Variants in MFNG observed in about 807,000 individuals in gnomAD.
MFNG encodes the protein beta-1,3-N-acetylglucosaminyltransferase manic fringe.
A neutral mutation model predicts 34.2 loss-of-function variants in MFNG; 24 were observed. The ratio of observed to expected loss-of-function variants is 0.70; its 90% CI spans 0.51 to 0.99. The LOEUF is 0.99. MFNG is among the 50% of genes least tolerant of loss of function. The pLI, the probability that MFNG is intolerant of heterozygous loss-of-function variation, is 0.00. For synonymous variants in MFNG, 158 were observed against 179.2 expected (o/e 0.88, Z 0.94); for missense variants, 383 against 424.0 (o/e 0.90, Z 0.85).
intron 3 of MFNG, 40 bp from the exon 4 acceptor site, chr22:37,479,538 G>C: frequency 1.2e-6 from 2 of 1,603,892 alleles, no homozygotes; most frequent in Non-Finnish European, 1.7e-6. Context: ...TGTTGGGGGG[G>C]TTCCAAGCCA....
intron 6 of MFNG, among the ~76,000 whole-genome samples, chr22:37,472,966 G>A (rs1308953681): frequency 6.6e-6 from 1 of 152,174 alleles, no homozygotes; most frequent in Non-Finnish European, 1.5e-5. Context: ...AGGCTGTAGA[G>A]CACAGTGGTT....
chr22:37,472,639 G>A lies in MFNG; in HGVS notation c.814-111C>T, dbSNP rs532577798. Reference sequence around the variant, plus strand: ...TTTTAAGCTGCAGGGAAAGCTGCCCGGGAACCTGAAATTCCCCGCTGGTGG... The same window carrying A: ...TTTTAAGCTGCAGGGAAAGCTGCCCAGGAACCTGAAATTCCCCGCTGGTGG... On this transcript the variant is annotated intron_variant, in intron 6 of 7. Transcript: ENST00000356998. 6.1e-5 allele frequency: 66 copies of A among 1,082,186 alleles called. No individual in the cohort carries two copies. The East Asian group carries it at 1.0e-3, about 17-fold the overall frequency. The allele number at this position is 1,082,186 out of a possible 1,614,324, so 67.0% of individuals were successfully genotyped here.
At chr22:37,484,576 G>A (rs1348634294) in intron 1 of MFNG, 5 of 152,576 alleles carry the variant, frequency 3.3e-5, no homozygotes, top group Non-Finnish European at 7.3e-5. Flanking sequence ...TCTGGCCTCA[G>A]TTTCCTCATC....
At position 37,482,110 on chromosome 22, in the gene MFNG, A is replaced by C. The variant is rs1174058766; in HGVS notation, c.256-1341T>G. ...GGCCGGGAGCCAGGTTTGACACAGG[A>C]AGGGGCAGGAGGGAGCCAGGCTATC... is the stretch of plus-strand genomic sequence containing the variant. On this transcript the variant is annotated intron_variant, in intron 1 of 7. Transcript: ENST00000356998. The surrounding 1 kb of genome is among the most constrained non-coding windows in gnomAD (Gnocchi z 4.1). 1.3e-5 allele frequency among the ~76,000 whole-genome samples: 2 copies of C among 152,186 alleles called. No individual in the cohort carries two copies. The highest frequency in any genetic ancestry group is 3.9e-4 in the East Asian group (2 of 5,190).
chr22:37,472,651 T>C, intron 6 of MFNG, 123 bp from the exon 7 acceptor site: 1 of 908,770 alleles, frequency 1.1e-6, no homozygotes, highest in East Asian at 3.0e-5. Context: ...GAACCTGAAA[T>C]TCCCCGCTGG....
At chr22:37,474,469 G>C (rs986739398) in intron 6 of MFNG, 43 bp downstream of exon 6, 6 of 1,605,822 alleles carry the variant, frequency 3.7e-6, no homozygotes, top group Non-Finnish European at 5.1e-6. Context: ...ATGTTCCTTT[G>C]GTTCCCCTTC....
intron 5 of MFNG, 141 bp from the exon 6 acceptor site, chr22:37,474,818 G>A (rs1800972637): frequency 1.1e-6 from 1 of 884,008 alleles, no homozygotes; most frequent in Non-Finnish European, 1.7e-6. Flanking sequence ...CCTTGAGCAA[G>A]TCAGGAACCT....
At chr22:37,474,814 G>T (rs1921968201) in intron 5 of MFNG, 137 bp from the exon 6 acceptor site, 1 of 921,882 alleles carries the variant, frequency 1.1e-6, no homozygotes, top group South Asian at 1.9e-5. Flanking sequence ...ATGACCTTGA[G>T]CAAGTCAGGA....
chr22:37,480,223 G>T lies in MFNG; in HGVS notation c.381C>A (p.Phe127Leu). 2 of 1,611,554 alleles carry T rather than the reference G, an allele frequency of 1.2e-6. No homozygotes were observed. The highest frequency in any genetic ancestry group is 1.7e-6 in the Non-Finnish European group (2 of 1,177,942). The change falls in exon 3 of 8, where the codon TTC becomes TTA. Residue 127 changes from phenylalanine (F) to leucine (L), a missense_variant. Phe to Leu is a conservative substitution (Grantham distance 22). Transcript: ENST00000356998. ...TAAGCCCACTGGCCAAGAAGGTGTC[G>T]AACTCAGCAGCCATCTTGCAGGACA... is the stretch of plus-strand genomic sequence containing the variant. ...PALSCKMAAE[F>L]DTFLASGLRW...
intron 7 of MFNG, 30 bp from the exon 8 acceptor site, chr22:37,470,059 G>A (rs1314107008): frequency 1.7e-5 from 26 of 1,543,076 alleles, no homozygotes; most frequent in Non-Finnish European, 2.0e-5. Flanking sequence ...GGACAGGATG[G>A]TCACCCCCCA....
At position 37,485,322 on chromosome 22, in the gene MFNG, G is replaced by A. The variant is rs962572648; in HGVS notation, c.255+601C>T. The stretch of plus-strand genomic sequence containing the variant: ...AAGCAGTCCGCAGGAAGCCAACACA[G>A]GAGGCCAGACATGGCGGCCTCGGCA... On this transcript the variant is annotated intron_variant, in intron 1 of 7. Coordinates refer to ENST00000356998, the MANE Select transcript of MFNG (RefSeq NM_002405.4). This position sits in a 1 kb window ranked among gnomAD's most constrained non-coding sequence, Gnocchi z 5.3. Among the ~76,000 whole-genome samples, 1 of 152,204 alleles carries A rather than the reference G, an allele frequency of 6.6e-6. No individual in the cohort carries two copies. The highest frequency in any genetic ancestry group is 2.4e-5 in the African/African-American group (1 of 41,450).
intron 1 of MFNG, among the ~76,000 whole-genome samples, chr22:37,484,973 G>A (rs1922475425): frequency 7.9e-6 from 1 of 126,294 alleles, no homozygotes; most frequent in East Asian, 3.5e-4. Flanking sequence ...GGGGACCGAT[G>A]TGTGTGTGTG....
At position 37,482,043 on chromosome 22, in the gene MFNG, C is replaced by G. The variant is rs1463345332; in HGVS notation, c.256-1274G>C. Among the ~76,000 whole-genome samples, 1 of 152,222 alleles carries G rather than the reference C, an allele frequency of 6.6e-6. No homozygotes were observed. The highest frequency in any genetic ancestry group is 2.4e-5 in the African/African-American group (1 of 41,454). On this transcript the variant is annotated intron_variant, in intron 1 of 7. Coordinates refer to ENST00000356998, the MANE Select transcript of MFNG (RefSeq NM_002405.4). The surrounding 1 kb of genome is among the most constrained non-coding windows in gnomAD (Gnocchi z 4.1). The stretch of plus-strand genomic sequence containing the variant: ...GAGTTGACAGTGAAGTCAGGCTCAA[C>G]TACTTGTATTTCAGGGGAAACTGAG...
intron 4 of MFNG, 98 bp downstream of exon 4, chr22:37,479,247 G>T: frequency 7.4e-7 from 1 of 1,356,352 alleles, no homozygotes; most frequent in Non-Finnish European, 9.6e-7. Context: ...CTGAAACCCA[G>T]AACCCCTCTC....
At position 37,480,741 on chromosome 22, in the gene MFNG, T is replaced by C. The variant is rs1277549136; in HGVS notation, c.284A>G (p.Lys95Arg). 6.2e-7 allele frequency: 1 copy of C among 1,613,496 alleles called. No homozygotes were observed. The highest frequency in any genetic ancestry group is 1.3e-5 in the African/African-American group (1 of 74,884). Reference sequence around the variant, plus strand: ...GTTACCCAGTCTCTCCTGGAGGCCTTTGTCTGGGCTGTCGGTGAAGACAAA... The same window carrying C: ...GTTACCCAGTCTCTCCTGGAGGCCTCTGTCTGGGCTGTCGGTGAAGACAAA... ...QTFVFTDSPD[K>R]GLQERLGSHL... Residue 95 changes from lysine to arginine, a missense_variant, in exon 2 of 8, where the codon AAA becomes AGA. Lys to Arg is a conservative substitution (Grantham distance 26, BLOSUM62 2). Transcript: ENST00000356998.
intron 7 of MFNG, 126 bp from the exon 8 acceptor site, chr22:37,470,155 A>G: frequency 4.6e-6 from 3 of 654,788 alleles, no homozygotes; most frequent in Non-Finnish European, 5.5e-6. Context: ...CACCACTAAC[A>G]CTTAGGGCCA....
chr22:37,485,861 G>C lies in MFNG; in HGVS notation c.255+62C>G. 6.5e-7 allele frequency: 1 copy of C among 1,544,328 alleles called. No individual in the cohort carries two copies. Among genetic ancestry groups the C allele is most frequent in the East Asian group, 2.3e-5 (1 of 43,932 alleles). ...GTCAGGGACCCCAGCCCAGTAGAAAGGCCTCTGAGAACCCCTTAGGCCAGG... is the reference window on the plus strand; with the variant it reads ...GTCAGGGACCCCAGCCCAGTAGAAACGCCTCTGAGAACCCCTTAGGCCAGG... On this transcript the variant is annotated intron_variant, in intron 1 of 7. Transcript: ENST00000356998. This position sits in a 1 kb window ranked among gnomAD's most constrained non-coding sequence, Gnocchi z 5.3.
chr22:37,480,761 G>A lies in MFNG; in HGVS notation c.264C>T (p.Val88=), dbSNP rs777902097. 6.2e-7 allele frequency: 1 copy of A among 1,613,512 alleles called. No individual in the cohort carries two copies. Among genetic ancestry groups the A allele is most frequent in the Non-Finnish European group, 8.5e-7 (1 of 1,179,792 alleles). The change falls in exon 2 of 8, where the codon GTC becomes GTT. Residue 88 remains valine, a synonymous_variant. Transcript: ENST00000356998. ...WVSRTREQTF[V]FTDSPDKGLQ... is the part of the protein sequence containing the mutation. ...GGCCTTTGTCTGGGCTGTCGGTGAA[G>A]ACAAATGTCTAGGAAGGAGAAGAAG...
At position 37,469,944 on chromosome 22, in the gene MFNG, T is replaced by C. The variant is rs1424378511; in HGVS notation, c.*19A>G. 4.4e-6 allele frequency: 7 copies of C among 1,587,412 alleles called. No homozygotes were observed. The African/African-American group carries it at 6.7e-5, about 15-fold the overall frequency. On this transcript the variant is annotated 3_prime_UTR_variant, in exon 8 of 8. Coordinates refer to ENST00000356998, the MANE Select transcript of MFNG (RefSeq NM_002405.4). ...ACACCCAGAAGTCTCTGCCCAACCT[T>C]TGCCCAGCAGTTCAGGATTCATCGG...
Sources: gnomAD v4.1 joint callset for allele counts (sites outside exome capture counted in the v4.1 genomes callset) on GRCh38, gnomAD v4.1.1 for gene constraint, Gnocchi (gnomAD v3.1) non-coding constraint, MANE v1.5 for transcripts, NCBI Gene and HGNC (gene_info 2026-07-23, HGNC 2026-07-21) for gene names.